Variants in TRDN observed in about 807,000 individuals in gnomAD.
TRDN encodes the protein triadin, also known as triadin in skeletal muscle.
Under a neutral mutation model 149.7 loss-of-function variants are expected in TRDN, and 161 were observed. The ratio of observed to expected loss-of-function variants is 1.08; its 90% CI spans 0.95 to 1.23. The LOEUF is 1.23. TRDN is among the 50% of genes most tolerant of loss of function. TRDN has a pLI of 0.00. For synonymous variants in TRDN, 294 were observed against 250.5 expected (o/e 1.17, Z -1.64); for missense variants, 896 against 823.5 (o/e 1.09, Z -1.08).
At position 123,497,173 on chromosome 6, in the gene TRDN, A is replaced by G. The variant is rs750617754; in HGVS notation, c.853+20T>C. 2 of 1,522,150 alleles carry G rather than the reference A, an allele frequency of 1.3e-6. No homozygotes were observed. The highest frequency in any genetic ancestry group is 1.7e-4 in the Middle Eastern group (1 of 5,826). 94.3% of individuals were successfully genotyped at this position (1,522,150 alleles called of 1,614,324 possible). A position where few individuals can be genotyped will look rare whatever the true frequency, so the allele number is the denominator to read the frequency against. ...ACAAAGACTATTAAAACAGACAAGT[A>G]CAAGAATTGCTTGGAATACCTGGTT... On this transcript the variant is annotated intron_variant, in intron 9 of 40. Transcript: ENST00000334268.
Position 123,547,333 on chromosome 6 carries a change from A to G in TRDN, c.424+7T>C. On this transcript the variant is annotated splice_region_variant and intron_variant, in intron 4 of 40. Coordinates refer to ENST00000334268, the MANE Select transcript of TRDN (RefSeq NM_006073.4). ...AATAATTATTATCAAAGGTGAAAAC[A>G]ACTAACCTTTTTTTCTCAAGGGAGG... is the stretch of plus-strand genomic sequence containing the variant. The G allele has an allele frequency of 6.9e-7, 1 of 1,453,466 alleles. No homozygotes were observed. Among genetic ancestry groups the G allele is most frequent in the Non-Finnish European group, 9.1e-7 (1 of 1,093,444 alleles). 90.0% of individuals were successfully genotyped at this position (1,453,466 alleles called of 1,614,324 possible).
At position 123,438,982 on chromosome 6, in the gene TRDN, T is replaced by A. The variant is rs1307971507; in HGVS notation, c.953A>T (p.Lys318Met). 7.0e-6 allele frequency: 11 copies of A among 1,560,750 alleles called. No individual in the cohort carries two copies. Among genetic ancestry groups the A allele is most frequent in the Admixed American group, 1.9e-5 (1 of 51,686 alleles). The change falls in exon 11 of 41, where the codon AAG becomes ATG. Residue 318 changes from lysine to methionine, a missense_variant. By Grantham distance (95) the Lys-to-Met change is moderately conservative. Transcript: ENST00000334268. The part of the protein sequence containing the change: ...ALEEKEGEKK[K>M]AEKKVTSETK... ...TTCAGAAGTAACTTTCTTCTCAGCC[T>A]TCTTCTTTTCCCCTTCTTTTTCTAG...
intron 19 of TRDN, among the ~76,000 whole-genome samples, chr6:123,373,672 C>T: frequency 6.6e-6 from 1 of 152,038 alleles, no homozygotes; most frequent in South Asian, 2.1e-4. Context: ...CTGACTTTAA[C>T]CCTGTCAATC....
chr6:123,242,431 AAGCAC>A (rs1253696933), intron 38 of TRDN, among the ~76,000 whole-genome samples: 1 of 152,134 alleles, frequency 6.6e-6, no homozygotes, highest in African/African-American at 2.4e-5. Flanking sequence ...ACTCCATGAG[AAGCAC>A]ATTATTTATC....
At chr6:123,440,719 C>T (rs1336893955) in intron 10 of TRDN, among the ~76,000 whole-genome samples, 1 of 152,166 alleles carries the variant, frequency 6.6e-6, no homozygotes, top group Non-Finnish European at 1.5e-5. Context: ...CATTAAAAAG[C>T]TTGTGCCAAT....
intron 12 of TRDN, among the ~76,000 whole-genome samples, chr6:123,432,146 G>A (rs1490958153): frequency 1.3e-5 from 2 of 152,082 alleles, no homozygotes; most frequent in Non-Finnish European, 2.9e-5. Flanking sequence ...AAGCTCTAAT[G>A]GGGTATTGTA....
chr6:123,510,502 A>G (rs182709765), intron 7 of TRDN, among the ~76,000 whole-genome samples: 11 of 152,296 alleles, frequency 7.2e-5, no homozygotes, highest in Admixed American at 5.9e-4. Context: ...AATTTAATAC[A>G]GAAAAACTTT....
intron 24 of TRDN, among the ~76,000 whole-genome samples, chr6:123,304,247 A>T (rs1988394): frequency 5.5e-5 from 8 of 144,748 alleles, no homozygotes; most frequent in Non-Finnish European, 6.0e-5. Context: ...ATTTTCTTTT[A>T]TTTTCTTTTT....
At chr6:123,275,522 A>G (rs906191990) in intron 26 of TRDN, among the ~76,000 whole-genome samples, 1 of 152,166 alleles carries the variant, frequency 6.6e-6, no homozygotes, top group African/African-American at 2.4e-5. Context: ...ATTGTGAGAG[A>G]GAAAAATTTC....
chr6:123,366,246 A>G (rs903937963), intron 19 of TRDN, 64 bp from the exon 20 acceptor site: 1 of 1,425,584 alleles, frequency 7.0e-7, no homozygotes, highest in Non-Finnish European at 9.8e-7. Flanking sequence ...CACATCTTAT[A>G]CTATTGAGAA....
intron 12 of TRDN, among the ~76,000 whole-genome samples, chr6:123,434,783 A>C (rs1010070064): frequency 6.6e-6 from 1 of 152,056 alleles, no homozygotes; most frequent in South Asian, 2.1e-4. Context: ...TTAATTTTAC[A>C]TAATGTTTTT....
chr6:123,308,026 T>C (rs188431322), intron 24 of TRDN, among the ~76,000 whole-genome samples: 33 of 152,074 alleles, frequency 2.2e-4, no homozygotes, highest in Middle Eastern at 3.4e-3. Context: ...CTCCCATCTC[T>C]AGTAGTCCTA....
At chr6:123,522,542 A>ACC (rs1562363111) in intron 5 of TRDN, among the ~76,000 whole-genome samples, 34 of 61,590 alleles carry the variant, frequency 5.5e-4, no homozygotes, top group Non-Finnish European at 8.2e-4. Flanking sequence ...TTTTTTTTGC[A>ACC]TTTTCCAAAT....
intron 21 of TRDN, among the ~76,000 whole-genome samples, chr6:123,347,554 T>G (rs1477340489): frequency 6.6e-6 from 1 of 152,064 alleles, no homozygotes; most frequent in Non-Finnish European, 1.5e-5. Flanking sequence ...TCAGCAAAAC[T>G]TTAAATATTG....
At chr6:123,472,089 G>A (rs1487031309) in intron 9 of TRDN, among the ~76,000 whole-genome samples, 5 of 152,196 alleles carry the variant, frequency 3.3e-5, no homozygotes, top group South Asian at 2.1e-4. Flanking sequence ...CAAGATGGCC[G>A]AATAGGAACA....
intron 4 of TRDN, among the ~76,000 whole-genome samples, chr6:123,536,391 T>C (rs1780531023): frequency 6.6e-6 from 1 of 152,132 alleles, no homozygotes; most frequent in South Asian, 2.1e-4. Flanking sequence ...TTACTTGTTT[T>C]TTATGATACA....
intron 2 of TRDN, among the ~76,000 whole-genome samples, chr6:123,549,112 T>G (rs1781261608): frequency 6.6e-6 from 1 of 152,064 alleles, no homozygotes; most frequent in African/African-American, 2.4e-5. Flanking sequence ...GAATCTGGAA[T>G]AGTCAAGTTA....
Position 123,330,660 on chromosome 6 carries a change from T to C in TRDN, c.1471+1219A>G, listed in dbSNP as rs187785623. 2.6e-5 allele frequency among the ~76,000 whole-genome samples: 4 copies of C among 152,150 alleles called. No individual in the cohort carries two copies. The East Asian group carries it at 5.8e-4, about 22-fold the overall frequency. On this transcript the variant is annotated intron_variant, in intron 23 of 40. Transcript: ENST00000334268. ...TTAATTTTTTTTGATTAGATACATATGGGGCTGAGAAAAAAAATCATGTTG... is the reference window on the plus strand; with the variant it reads ...TTAATTTTTTTTGATTAGATACATACGGGGCTGAGAAAAAAAATCATGTTG...
chr6:123,341,530 C>A (rs1443679741), intron 21 of TRDN, among the ~76,000 whole-genome samples: 1 of 147,248 alleles, frequency 6.8e-6, no homozygotes, highest in Non-Finnish European at 1.5e-5. Context: ...AATTTTGCAA[C>A]CTGTGTAATC....
Sources: gnomAD v4.1 joint callset for allele counts (sites outside exome capture counted in the v4.1 genomes callset) on GRCh38, gnomAD v4.1.1 for gene constraint, MANE v1.5 for transcripts, NCBI Gene and HGNC (gene_info 2026-07-23, HGNC 2026-07-21) for gene names.